The following LUZP2 variants were observed in gnomAD, a reference collection of about 807,000 sequenced individuals.
The protein encoded by LUZP2 is leucine zipper protein 2.
Under a neutral mutation model 51.6 loss-of-function variants are expected in LUZP2, and 52 were observed. That is an observed-to-expected ratio of 1.01 (90% CI 0.81 to 1.27). LUZP2 has a LOEUF of 1.27. Among genes scored for constraint, LUZP2 ranks in the 50% most tolerant of loss-of-function variants. LUZP2 has a pLI of 0.00. For missense variants in LUZP2, 436 were observed against 395.4 expected, an observed-to-expected ratio of 1.10 and a Z score of -0.87; for synonymous variants, 154 against 137.3, an observed-to-expected ratio of 1.12 and a Z score of -0.85.
At chr11:24,503,449 A>G (rs1210789385) in intron 1 of LUZP2, among the ~76,000 whole-genome samples, 2 of 152,212 alleles carry the variant, frequency 1.3e-5, no homozygotes, top group Non-Finnish European at 2.9e-5. Context: ...CAGAAGGTGA[A>G]GGTCACCCAA....
At chr11:24,997,206 A>G (rs1856531405) in intron 9 of LUZP2, among the ~76,000 whole-genome samples, 1 of 151,442 alleles carries the variant, frequency 6.6e-6, no homozygotes, top group South Asian at 2.1e-4. Flanking sequence ...TGACTTCCAC[A>G]ATGGTTGAAC....
At chr11:24,905,679 C>A (rs10742055) in intron 5 of LUZP2, among the ~76,000 whole-genome samples, 90,413 of 151,996 alleles carry the variant, frequency 0.59, 27,720 homozygotes, top group East Asian at 0.78. Context: ...ACGCAAACAC[C>A]CACGCACAAA....
At chr11:24,602,230 ATATGTG>A (rs1853733665) in intron 1 of LUZP2, among the ~76,000 whole-genome samples, 1 of 40,632 alleles carries the variant, frequency 2.5e-5, no homozygotes, top group South Asian at 1.0e-3. Context: ...ATATGTACAT[ATATGTG>A]TATATATGTA....
chr11:25,070,795 G>GTA (rs1859135555), intron 10 of LUZP2, among the ~76,000 whole-genome samples: 2 of 151,114 alleles, frequency 1.3e-5, no homozygotes, highest in South Asian at 4.2e-4. Context: ...GTGTGTGTGT[G>GTA]TGTGTGTGTG....
chr11:24,914,448 A>C, intron 6 of LUZP2, 28 bp from the exon 7 acceptor site: 1 of 1,529,488 alleles, frequency 6.5e-7, no homozygotes, highest in South Asian at 1.2e-5. Flanking sequence ...AATGAGTTAC[A>C]CAACTTATCC....
intron 5 of LUZP2, among the ~76,000 whole-genome samples, chr11:24,808,721 A>G (rs957594495): frequency 2.0e-5 from 3 of 152,152 alleles, no homozygotes; most frequent in African/African-American, 7.2e-5. Context: ...ATGTAGTTAA[A>G]TATCTATAGT....
At chr11:25,023,966 AG>A (rs1303805294) in intron 9 of LUZP2, among the ~76,000 whole-genome samples, 1 of 152,054 alleles carries the variant, frequency 6.6e-6, no homozygotes, top group East Asian at 1.9e-4. Flanking sequence ...CTTAATCCTG[AG>A]TTCTAGTTTG....
At chr11:25,014,620 G>T (rs1857089583) in intron 9 of LUZP2, among the ~76,000 whole-genome samples, 2 of 152,098 alleles carry the variant, frequency 1.3e-5, no homozygotes, top group Non-Finnish European at 2.9e-5. Flanking sequence ...TTGTAAATTT[G>T]TTAGAGTTCA....
chr11:24,573,937 G>A (rs1315230554), intron 1 of LUZP2, among the ~76,000 whole-genome samples: 4 of 151,500 alleles, frequency 2.6e-5, no homozygotes, highest in Non-Finnish European at 2.9e-5. Context: ...ATGCAGGTTT[G>A]TTACATATGT....
At chr11:24,634,965 C>T (rs549176729) in intron 1 of LUZP2, among the ~76,000 whole-genome samples, 1 of 152,212 alleles carries the variant, frequency 6.6e-6, no homozygotes, top group Non-Finnish European at 1.5e-5. Flanking sequence ...ATCAGTCTCT[C>T]ATTTGATCTC....
chr11:24,650,283 A>G (rs1855587556), intron 1 of LUZP2, among the ~76,000 whole-genome samples: 2 of 152,006 alleles, frequency 1.3e-5, no homozygotes, highest in African/African-American at 4.8e-5. Flanking sequence ...CAAATTACCT[A>G]AAATCCTCCT....
chr11:24,581,553 C>T (rs902028253), intron 1 of LUZP2, among the ~76,000 whole-genome samples: 2 of 151,802 alleles, frequency 1.3e-5, no homozygotes, highest in South Asian at 2.1e-4. Flanking sequence ...CTCTTGCAAT[C>T]GCAGATACTC....
At position 24,568,631 on chromosome 11, in the gene LUZP2, T is replaced by G. The variant is rs578090091; in HGVS notation, c.62+71326T>G. Among the ~76,000 whole-genome samples, 8 of 151,910 alleles carry G rather than the reference T, an allele frequency of 5.3e-5. No homozygotes were observed. In the South Asian group the frequency reaches 6.2e-4, roughly 12 times the overall value. On this transcript the variant is annotated intron_variant, in intron 1 of 11. Transcript: ENST00000336930. ...TAAGCATAAAATAAGAATAGGAAAA[T>G]TATTATAATATAATTATTTCACCAG...
chr11:24,987,335 A>G (rs1316302863), intron 9 of LUZP2, among the ~76,000 whole-genome samples: 1 of 151,948 alleles, frequency 6.6e-6, no homozygotes, highest in East Asian at 1.9e-4. Flanking sequence ...TTATCATAAA[A>G]GTATAGCAGA....
In LUZP2 at chr11:24,958,697, G is replaced by T. The variant is rs2133874620; in HGVS notation, c.523-17894G>T. Reference sequence around the variant, plus strand: ...GGTTGTGAAAATTTTCTCCCATTTTGTGGGTTGCCTGTTCACTCTGATGTT... The same window carrying T: ...GGTTGTGAAAATTTTCTCCCATTTTTTGGGTTGCCTGTTCACTCTGATGTT... On this transcript the variant is annotated intron_variant, in intron 7 of 11. Coordinates refer to ENST00000336930, the MANE Select transcript of LUZP2 (RefSeq NM_001009909.4). Among the ~76,000 whole-genome samples the T allele has an allele frequency of 2.0e-5, 3 of 152,176 alleles. No individual in the cohort carries two copies. The South Asian group carries it at 6.2e-4, about 32-fold the overall frequency.
intron 9 of LUZP2, among the ~76,000 whole-genome samples, chr11:24,985,556 T>C (rs974939862): frequency 2.6e-5 from 4 of 151,780 alleles, no homozygotes; most frequent in Non-Finnish European, 4.4e-5. Context: ...TGACCTACTT[T>C]ATGTCACCAA....
intron 1 of LUZP2, among the ~76,000 whole-genome samples, chr11:24,686,223 C>CAA (rs56907734): frequency 0.48 from 71,728 of 147,992 alleles, 17,345 homozygotes; most frequent in East Asian, 0.56. Flanking sequence ...GTGAACTCTG[C>CAA]AAAAAAAAAA....
At chr11:24,651,810 T>C (rs1237490997) in intron 1 of LUZP2, among the ~76,000 whole-genome samples, 2 of 152,156 alleles carry the variant, frequency 1.3e-5, no homozygotes, top group South Asian at 2.1e-4. Context: ...AGAAAAATAC[T>C]GAGGTCTCCT....
At chr11:24,984,833 A>G (rs903989383) in intron 9 of LUZP2, among the ~76,000 whole-genome samples, 6 of 151,118 alleles carry the variant, frequency 4.0e-5, no homozygotes, top group Non-Finnish European at 8.9e-5. Flanking sequence ...TCCCAGTTAG[A>G]ATTATTTTTT....
Sources: allele counts gnomAD v4.1 joint callset (sites outside exome capture counted in the v4.1 genomes callset), GRCh38; gene constraint gnomAD v4.1.1; transcripts MANE v1.5; gene names NCBI Gene and HGNC (gene_info 2026-07-23, HGNC 2026-07-21).